SLC24A2: variants seen among roughly 807,000 people sequenced by gnomAD.
SLC24A2 encodes the protein solute carrier family 24 member 2.
Under a neutral mutation model 62.0 loss-of-function variants are expected in SLC24A2, and 36 were observed. The ratio of observed to expected loss-of-function variants is 0.58; its 90% CI spans 0.44 to 0.77. The LOEUF (loss-of-function observed/expected upper bound fraction) is 0.77. Ranked by LOEUF, SLC24A2 falls within the 30% of genes least tolerant of loss-of-function variation. The probability of loss-of-function intolerance (pLI) is 0.00; values close to 1 mark genes in which losing one functional copy is unlikely to be tolerated. For missense variants in SLC24A2, 846 were observed against 817.9 expected, an observed-to-expected ratio of 1.03 and a Z score of -0.42; for synonymous variants, 358 against 294.0, an observed-to-expected ratio of 1.22 and a Z score of -2.23.
chr9:20,067,158 T>C, the SLC24A2 span, among the ~76,000 whole-genome samples: 1 of 152,234 alleles, frequency 6.6e-6, no homozygotes, highest in African/African-American at 2.4e-5. Context: ...ATATTATTCA[T>C]TTCTTTGCCT....
intron 2 of SLC24A2, among the ~76,000 whole-genome samples, chr9:19,669,438 A>G (rs1414878202): frequency 6.6e-6 from 1 of 152,226 alleles, no homozygotes; most frequent in South Asian, 2.1e-4. Context: ...CAATGCAGAT[A>G]TTAGCTTTTT....
chr9:19,653,522 T>G (rs945777057), intron 2 of SLC24A2, among the ~76,000 whole-genome samples: 2 of 152,224 alleles, frequency 1.3e-5, no homozygotes, highest in Admixed American at 6.5e-5. Context: ...TGCTGATCAA[T>G]AGTCTTCATT....
At chr9:20,290,895 C>T in the SLC24A2 span, among the ~76,000 whole-genome samples, 1 of 152,160 alleles carries the variant, frequency 6.6e-6, no homozygotes, top group East Asian at 1.9e-4. Flanking sequence ...CAGCTGATTT[C>T]AAGAGGACTG....
At chr9:19,659,886 G>C (rs1819046442) in intron 2 of SLC24A2, among the ~76,000 whole-genome samples, 1 of 152,112 alleles carries the variant, frequency 6.6e-6, no homozygotes, top group Non-Finnish European at 1.5e-5. Context: ...AGAGCAGCTG[G>C]GCAAGAGCTC....
chr9:20,022,306 T>C, the SLC24A2 span, among the ~76,000 whole-genome samples: 1 of 152,214 alleles, frequency 6.6e-6, no homozygotes, highest in East Asian at 1.9e-4. Context: ...TCAATCCTTA[T>C]CATATAATAG....
the SLC24A2 span, among the ~76,000 whole-genome samples, chr9:20,063,874 C>A: frequency 6.6e-6 from 1 of 152,094 alleles, no homozygotes; most frequent in Non-Finnish European, 1.5e-5. Context: ...TTATCAATTA[C>A]TTGTGGAAAT....
At chr9:19,688,239 T>A (rs960091232) in intron 2 of SLC24A2, among the ~76,000 whole-genome samples, 1 of 152,154 alleles carries the variant, frequency 6.6e-6, no homozygotes, top group Non-Finnish European at 1.5e-5. Flanking sequence ...GACTTGATAA[T>A]CCTGGCTTTA....
the SLC24A2 span, among the ~76,000 whole-genome samples, chr9:20,197,043 G>A: frequency 6.6e-6 from 1 of 152,126 alleles, no homozygotes; most frequent in African/African-American, 2.4e-5. Context: ...TTCTTCTAAT[G>A]TTGAACATTG....
the SLC24A2 span, among the ~76,000 whole-genome samples, chr9:20,231,729 T>C: frequency 6.6e-6 from 1 of 152,152 alleles, no homozygotes; most frequent in Non-Finnish European, 1.5e-5. Context: ...CCTTTATTTC[T>C]TACTCCTGCC....
chr9:20,213,373 A>G, the SLC24A2 span, among the ~76,000 whole-genome samples: 1 of 151,454 alleles, frequency 6.6e-6, no homozygotes, highest in Non-Finnish European at 1.5e-5. Flanking sequence ...TTCATTATTA[A>G]GCAAGAAAAA....
chr9:20,304,975 C>G, the SLC24A2 span, among the ~76,000 whole-genome samples: 3 of 151,904 alleles, frequency 2.0e-5, no homozygotes, highest in South Asian at 2.1e-4. Flanking sequence ...ATGCCTCTAT[C>G]CAACTACTTA....
chr9:19,596,064 T>C (rs142448641), intron 5 of SLC24A2, among the ~76,000 whole-genome samples: 8 of 152,236 alleles, frequency 5.3e-5, no homozygotes, highest in Non-Finnish European at 8.8e-5. Context: ...ATCATGGTGG[T>C]TAATTTAAAG....
At chr9:19,573,230 C>T in intron 7 of SLC24A2, 121 bp downstream of exon 7, 1 of 714,528 alleles carries the variant, frequency 1.4e-6, no homozygotes, top group Non-Finnish European at 2.6e-6. Flanking sequence ...TGTATAAGGC[C>T]CTACCTGATT....
At chr9:20,259,592 G>A in the SLC24A2 span, among the ~76,000 whole-genome samples, 1 of 152,078 alleles carries the variant, frequency 6.6e-6, no homozygotes, top group Non-Finnish European at 1.5e-5. Context: ...CAGAGTCAGA[G>A]ACATCAACTG....
the SLC24A2 span, among the ~76,000 whole-genome samples, chr9:20,277,049 A>C: frequency 5.9e-5 from 9 of 152,210 alleles, no homozygotes; most frequent in Non-Finnish European, 1.3e-4. Flanking sequence ...CTTGGCGATT[A>C]ACATGTGGCT....
chr9:20,307,157 A>G, the SLC24A2 span, among the ~76,000 whole-genome samples: 1 of 152,190 alleles, frequency 6.6e-6, no homozygotes, highest in Non-Finnish European at 1.5e-5. Context: ...ATCATTTGTC[A>G]CAGATAGAAA....
the SLC24A2 span, among the ~76,000 whole-genome samples, chr9:19,952,365 C>G: frequency 6.6e-6 from 1 of 151,916 alleles, no homozygotes; most frequent in Non-Finnish European, 1.5e-5. Context: ...GAGTGGATAT[C>G]CTTCAATTTT....
At chr9:20,001,165 C>A in the SLC24A2 span, among the ~76,000 whole-genome samples, 1 of 152,194 alleles carries the variant, frequency 6.6e-6, no homozygotes. Context: ...GATGGCAGAG[C>A]CTGCATTGTC....
the SLC24A2 span, among the ~76,000 whole-genome samples, chr9:20,025,604 G>T: frequency 6.6e-6 from 1 of 152,100 alleles, no homozygotes; most frequent in African/African-American, 2.4e-5. Flanking sequence ...AGCTATCTCT[G>T]TGCTAGGAGA....
Sources: gnomAD v4.1 joint callset for allele counts (sites outside exome capture counted in the v4.1 genomes callset) on GRCh38, gnomAD v4.1.1 for gene constraint, MANE v1.5 for transcripts, NCBI Gene and HGNC (gene_info 2026-07-23, HGNC 2026-07-21) for gene names.